Variants in COMMD1 observed in about 807,000 individuals in gnomAD.
The protein encoded by COMMD1 is copper metabolism domain containing 1, also known as COMM domain-containing protein 1.
COMMD1 carries 10 observed loss-of-function variants against 17.2 expected under a neutral mutation model. The observed-to-expected ratio is 0.58, with a 90% CI of 0.36 to 0.99. COMMD1 has a LOEUF of 0.99. Ranked by LOEUF, COMMD1 falls within the 50% of genes least tolerant of loss-of-function variation. COMMD1 has a pLI of 0.01. For synonymous variants in COMMD1, 97 were observed against 91.6 expected (o/e 1.06, Z -0.34); for missense variants, 270 against 231.8 (o/e 1.17, Z -1.07).
chr2:61,947,542 G>A (rs1439610662), intron 1 of COMMD1, among the ~76,000 whole-genome samples: 1 of 151,980 alleles, frequency 6.6e-6, no homozygotes, highest in African/African-American at 2.4e-5. Flanking sequence ...AATTAGCCTG[G>A]TGTGGTGGCG....
intron 1 of COMMD1, among the ~76,000 whole-genome samples, chr2:61,950,169 C>T (rs1470469013): frequency 2.6e-5 from 4 of 152,118 alleles, no homozygotes; most frequent in Admixed American, 6.5e-5. Flanking sequence ...AGCTGGACCC[C>T]GAGATTTAGG....
At chr2:62,083,383 AAATG>A (rs1307823401) in intron 2 of COMMD1, among the ~76,000 whole-genome samples, 1 of 152,260 alleles carries the variant, frequency 6.6e-6, no homozygotes, top group East Asian at 1.9e-4. Context: ...GATTACGTGA[AAATG>A]AATGAGCCTC....
intron 2 of COMMD1, chr2:62,069,665 G>A (rs1403126618): frequency 6.6e-6 from 1 of 152,130 alleles, no homozygotes; most frequent in Non-Finnish European, 1.5e-5. Flanking sequence ...TTGGCTGGCA[G>A]GCTTATAACA....
chr2:61,905,812 C>T lies in COMMD1; in HGVS notation c.134C>T (p.Pro45Leu). The T allele has an allele frequency of 6.2e-7, 1 of 1,614,238 alleles. No homozygotes were observed. Residue 45 changes from proline (P) to leucine (L), a missense_variant, in exon 1 of 3, where the codon CCC (proline) becomes CTC (leucine). By Grantham distance (98) the Pro-to-Leu change is moderately conservative (BLOSUM62 -3). Coordinates refer to ENST00000311832, the MANE Select transcript of COMMD1 (RefSeq NM_152516.4). ...AGCCAGCTATATCCAGAGGTGCCAC[C>T]CGAGGAGTTCCGCCCCTTTCTGGCA... ...LRSQLYPEVP[P>L]EEFRPFLAKM...
rs550447101 is a variant in COMMD1, at chr2:61,896,358, G to A, written n.119+7516G>A. Among the ~76,000 whole-genome samples the A allele has an allele frequency of 3.3e-5, 5 of 152,258 alleles. No individual in the cohort carries two copies. The East Asian group carries it at 9.6e-4, about 29-fold the overall frequency. The stretch of plus-strand genomic sequence containing the variant: ...CCCAGCACTTTGGGAGGCTGAGGCA[G>A]GAGAATAGCTTGAGCCCAGGAATTT... On this transcript the variant is annotated intron_variant and non_coding_transcript_variant, in intron 1 of 2. Coordinates refer to the COMMD1 transcript ENST00000472729.
intron 1 of COMMD1, among the ~76,000 whole-genome samples, chr2:61,895,263 G>A (rs1339401151): frequency 1.3e-5 from 2 of 152,160 alleles, no homozygotes; most frequent in East Asian, 3.9e-4. Context: ...CTTTTCAGCT[G>A]TCCACAGATA....
intron 1 of COMMD1, among the ~76,000 whole-genome samples, chr2:61,976,531 C>T (rs1409889074): frequency 1.3e-5 from 2 of 152,152 alleles, no homozygotes; most frequent in South Asian, 2.1e-4. Context: ...ACTGATAGAA[C>T]TGCAAGGAGA....
At chr2:62,031,156 T>C (rs1016395726) in intron 2 of COMMD1, among the ~76,000 whole-genome samples, 2 of 152,234 alleles carry the variant, frequency 1.3e-5, no homozygotes, top group Admixed American at 1.3e-4. Context: ...GTGTTGGCAA[T>C]TGACCTTATT....
At chr2:62,010,769 C>T (rs1669255373) in intron 2 of COMMD1, among the ~76,000 whole-genome samples, 1 of 152,146 alleles carries the variant, frequency 6.6e-6, no homozygotes, top group African/African-American at 2.4e-5. Flanking sequence ...CTTCTCACCA[C>T]CCCCAACTAC....
At chr2:62,123,545 GA>G (rs1375453348) in intron 2 of COMMD1, among the ~76,000 whole-genome samples, 13 of 150,812 alleles carry the variant, frequency 8.6e-5, no homozygotes, top group Admixed American at 2.6e-4. Flanking sequence ...AGGAAGGAAG[GA>G]AGGAAGGAAA....
chr2:61,963,234 T>TAC (rs567391883), intron 1 of COMMD1, among the ~76,000 whole-genome samples: 2,034 of 149,022 alleles, frequency 0.014, 41 homozygotes, highest in African/African-American at 0.043. Flanking sequence ...TATACATATA[T>TAC]ACACACACAC....
intron 2 of COMMD1, among the ~76,000 whole-genome samples, chr2:62,128,097 G>A (rs1390696389): frequency 6.6e-6 from 1 of 151,776 alleles, no homozygotes; most frequent in Non-Finnish European, 1.5e-5. Context: ...GGAGGCTGAG[G>A]CAGGTGGATC....
chr2:61,988,047 A>C, intron 1 of COMMD1, among the ~76,000 whole-genome samples: 1 of 151,764 alleles, frequency 6.6e-6, no homozygotes. Flanking sequence ...TCTGCAACTC[A>C]CCCTTCCTGG....
chr2:62,052,961 C>T lies in COMMD1; in HGVS notation c.462+51979C>T, dbSNP rs562637857. ...GCATGCACCTGTAGTCCCAGCTACT[C>T]GGGAGGCTGAAGTGGGAAGATCACT... On this transcript the variant is annotated intron_variant, in intron 2 of 2. Transcript: ENST00000311832. Among the ~76,000 whole-genome samples the T allele has an allele frequency of 7.2e-5, 11 of 152,196 alleles. No homozygotes were observed. In the South Asian group the frequency reaches 1.0e-3, roughly 14 times the overall value.
intron 2 of COMMD1, among the ~76,000 whole-genome samples, chr2:62,046,070 C>G (rs1336485277): frequency 6.6e-6 from 1 of 152,182 alleles, no homozygotes; most frequent in Non-Finnish European, 1.5e-5. Context: ...CCAATGTCAG[C>G]TTGGCCTATG....
chr2:62,101,175 A>G (rs1404535783), intron 2 of COMMD1, among the ~76,000 whole-genome samples: 2 of 152,022 alleles, frequency 1.3e-5, no homozygotes, highest in South Asian at 2.1e-4. Context: ...CACCAAAAGT[A>G]TAGGTTTTTT....
intron 2 of COMMD1, among the ~76,000 whole-genome samples, chr2:62,051,319 T>G (rs770818135): frequency 5.7e-4 from 86 of 152,180 alleles, no homozygotes; most frequent in Non-Finnish European, 9.4e-4. Context: ...GAGGGTTCAG[T>G]AAACCATACA....
intron 1 of COMMD1, among the ~76,000 whole-genome samples, chr2:61,974,918 A>G (rs1385290717): frequency 6.6e-6 from 1 of 151,820 alleles, no homozygotes; most frequent in Non-Finnish European, 1.5e-5. Flanking sequence ...TGCTTCAGCT[A>G]TTTATCTTTC....
At chr2:62,009,902 TGTA>T (rs1162170446) in intron 2 of COMMD1, among the ~76,000 whole-genome samples, 2 of 152,168 alleles carry the variant, frequency 1.3e-5, no homozygotes, top group Admixed American at 6.5e-5. Flanking sequence ...GTGAAATACT[TGTA>T]GTAACTAGTG....
Sources: gnomAD v4.1 joint callset for allele counts (sites outside exome capture counted in the v4.1 genomes callset) on GRCh38, gnomAD v4.1.1 for gene constraint, MANE v1.5 for transcripts, NCBI Gene and HGNC (gene_info 2026-07-23, HGNC 2026-07-21) for gene names.